Variants in TAFA4 observed in about 807,000 individuals in gnomAD.
TAFA4 encodes the protein TAFA chemokine like family member 4.
TAFA4 carries 20 observed loss-of-function variants against 21.1 expected under a neutral mutation model. That is an observed-to-expected ratio of 0.95 (90% confidence interval 0.67 to 1.38). TAFA4 has a LOEUF of 1.38. Ranked by LOEUF, TAFA4 falls within the 40% of genes most tolerant of loss-of-function variation. TAFA4 has a pLI of 0.00. For missense variants in TAFA4, 211 were observed against 180.9 expected (o/e 1.17, Z -0.95); for synonymous variants, 71 against 67.4 (o/e 1.05, Z -0.26).
intron 3 of TAFA4, among the ~76,000 whole-genome samples, chr3:68,785,483 C>A (rs370429669): frequency 6.6e-6 from 1 of 152,238 alleles, no homozygotes; most frequent in Non-Finnish European, 1.5e-5. Context: ...AGCTAAGGCC[C>A]GGCGAGAAAT....
intron 3 of TAFA4, among the ~76,000 whole-genome samples, chr3:68,870,831 A>G (rs7627664): frequency 0.68 from 103,073 of 151,902 alleles, 35,486 homozygotes; most frequent in East Asian, 0.98. Context: ...GAGAACATGC[A>G]GTGTTTGGTT....
intron 1 of TAFA4, among the ~76,000 whole-genome samples, chr3:68,923,551 C>A (rs1365837109): frequency 6.6e-6 from 1 of 152,150 alleles, no homozygotes; most frequent in Non-Finnish European, 1.5e-5. Context: ...CCATGGGCTG[C>A]ATGATTATCA....
intron 1 of TAFA4, among the ~76,000 whole-genome samples, chr3:68,926,246 G>T (rs1430037589): frequency 6.6e-6 from 1 of 151,558 alleles, no homozygotes; most frequent in African/African-American, 2.4e-5. Flanking sequence ...AAAAAATCAG[G>T]TCTAAATATA....
chr3:68,739,878 G>A (rs1702317375), intron 4 of TAFA4, among the ~76,000 whole-genome samples: 1 of 152,176 alleles, frequency 6.6e-6, no homozygotes, highest in African/African-American at 2.4e-5. Context: ...TTGGAAGGGT[G>A]GGAAGGACGA....
At chr3:68,755,909 T>C (rs1338032176) in intron 3 of TAFA4, among the ~76,000 whole-genome samples, 1 of 152,312 alleles carries the variant, frequency 6.6e-6, no homozygotes, top group East Asian at 1.9e-4. Context: ...CTCACTCACA[T>C]GTTCATCATC....
At chr3:68,770,726 T>C (rs1006914132) in intron 3 of TAFA4, among the ~76,000 whole-genome samples, 6 of 152,012 alleles carry the variant, frequency 3.9e-5, no homozygotes, top group African/African-American at 1.5e-4. Flanking sequence ...ATAAAGAAAA[T>C]ATTTTTTTGT....
At chr3:68,793,263 G>T (rs898493531) in intron 3 of TAFA4, among the ~76,000 whole-genome samples, 2 of 152,136 alleles carry the variant, frequency 1.3e-5, no homozygotes, top group Non-Finnish European at 2.9e-5. Context: ...TAGAAAAGGA[G>T]AATGGAATAT....
At chr3:68,836,499 T>A (rs1461959650) in intron 3 of TAFA4, among the ~76,000 whole-genome samples, 1 of 152,212 alleles carries the variant, frequency 6.6e-6, no homozygotes. Flanking sequence ...GTATCATTGG[T>A]TATATTACTT....
chr3:68,827,931 G>C (rs547733983), intron 3 of TAFA4, among the ~76,000 whole-genome samples: 1 of 152,244 alleles, frequency 6.6e-6, no homozygotes, highest in Admixed American at 6.5e-5. Context: ...ATTGCTTTTG[G>C]TGTTTTAGTC....
intron 3 of TAFA4, among the ~76,000 whole-genome samples, chr3:68,777,266 T>C (rs537255104): frequency 6.6e-6 from 1 of 152,250 alleles, no homozygotes; most frequent in East Asian, 1.9e-4. Context: ...ATATTTATGA[T>C]ATACATAAGG....
chr3:68,758,418 T>C (rs1417531316), intron 3 of TAFA4, among the ~76,000 whole-genome samples: 1 of 152,180 alleles, frequency 6.6e-6, no homozygotes, highest in Non-Finnish European at 1.5e-5. Context: ...GTTCTTGTGA[T>C]AGTGAATAAG....
At chr3:68,741,164 T>C (rs72933917) in intron 4 of TAFA4, among the ~76,000 whole-genome samples, 2,655 of 152,296 alleles carry the variant, frequency 0.017, 85 homozygotes, top group African/African-American at 0.061. Flanking sequence ...TAGGACTGTT[T>C]TTCTATCTTT....
At chr3:68,831,118 C>A (rs1704379511) in intron 3 of TAFA4, among the ~76,000 whole-genome samples, 1 of 152,152 alleles carries the variant, frequency 6.6e-6, no homozygotes, top group African/African-American at 2.4e-5. Flanking sequence ...ATACAGCACA[C>A]CAATGAGTCT....
At chr3:68,748,797 A>C (rs920671326) in intron 4 of TAFA4, among the ~76,000 whole-genome samples, 3 of 151,992 alleles carry the variant, frequency 2.0e-5, no homozygotes, top group Non-Finnish European at 2.9e-5. Flanking sequence ...TTTTTTAAAT[A>C]GCTTTGAAAA....
chr3:68,774,904 GA>G (rs1428508990), intron 3 of TAFA4, among the ~76,000 whole-genome samples: 2 of 152,122 alleles, frequency 1.3e-5, no homozygotes, highest in African/African-American at 4.8e-5. Flanking sequence ...AACATAGGAG[GA>G]GGCTCTATAC....
At chr3:68,856,581 C>A (rs910259025) in intron 3 of TAFA4, among the ~76,000 whole-genome samples, 2 of 152,062 alleles carry the variant, frequency 1.3e-5, no homozygotes, top group Non-Finnish European at 2.9e-5. Flanking sequence ...ACAACCTTCA[C>A]GTGATCTTTA....
At chr3:68,801,276 T>C (rs1703573771) in intron 3 of TAFA4, among the ~76,000 whole-genome samples, 1 of 152,240 alleles carries the variant, frequency 6.6e-6, no homozygotes. Flanking sequence ...GGGATTATTG[T>C]TTTGCTGATG....
chr3:68,732,666 G>GCTAAT lies in TAFA4; in HGVS notation c.*471_*475dup, dbSNP rs573013077. 63 of 153,898 alleles carry GCTAAT rather than the reference G, an allele frequency of 4.1e-4. No individual in the cohort carries two copies. The highest frequency in any genetic ancestry group is 1.4e-3 in the African/African-American group (58 of 41,620). The allele number at this position is 153,898 out of a possible 1,614,324, so 9.5% of individuals were successfully genotyped here. Reference sequence around the variant, plus strand: ...TCTCTAGCAGTAATTTTCTTCACCAGCTAATCTACATCTGCAAATATGTTT... The same window carrying GCTAAT: ...TCTCTAGCAGTAATTTTCTTCACCAGCTAATCTAATCTACATCTGCAAATATGTTT... On this transcript the variant is annotated 3_prime_UTR_variant, in exon 6 of 6. Transcript: ENST00000295569.
At chr3:68,754,234 C>T (rs1702616327) in intron 3 of TAFA4, among the ~76,000 whole-genome samples, 1 of 152,204 alleles carries the variant, frequency 6.6e-6, no homozygotes, top group African/African-American at 2.4e-5. Context: ...AATGTACAAT[C>T]TATATTCAAA....
Sources: gnomAD v4.1 joint callset for allele counts (sites outside exome capture counted in the v4.1 genomes callset) on GRCh38, gnomAD v4.1.1 for gene constraint, MANE v1.5 for transcripts, NCBI Gene and HGNC (gene_info 2026-07-23, HGNC 2026-07-21) for gene names.